The following HSP90B1 variants were observed in gnomAD, a reference collection of about 807,000 sequenced individuals.
The protein encoded by HSP90B1 is heat shock protein 90 beta family member 1, also known as endoplasmin.
Under a neutral mutation model 100.4 loss-of-function variants are expected in HSP90B1, and 27 were observed. That is an observed-to-expected ratio of 0.27 (90% CI 0.20 to 0.37). The LOEUF is 0.37. Ranked by LOEUF, HSP90B1 falls within the 10% of genes least tolerant of loss-of-function variation. The probability of loss-of-function intolerance (pLI) is 1.00; values close to 1 mark genes in which losing one functional copy is unlikely to be tolerated. For synonymous variants in HSP90B1, 304 were observed against 330.8 expected (o/e 0.92, Z 0.88); for missense variants, 678 against 960.5 (o/e 0.71, Z 3.89).
Position 103,930,625 on chromosome 12 carries a change from C to G in HSP90B1, c.49+61C>G. The G allele has an allele frequency of 6.5e-7, 1 of 1,529,682 alleles. No homozygotes were observed. The highest frequency in any genetic ancestry group is 1.4e-5 in the African/African-American group (1 of 73,084). The allele number at this position is 1,529,682 out of a possible 1,614,324, so 94.8% of individuals were successfully genotyped here. ...ACACACGCGGCCGCTTCTCGAAGGT[C>G]CTGGGGGCGTTGAACGTGGGAGGGG... On this transcript the variant is annotated intron_variant, in intron 1 of 17. Transcript: ENST00000299767. This position sits in a 1 kb window ranked among gnomAD's most constrained non-coding sequence, Gnocchi z 4.4.
chr12:103,932,520 G>A, intron 3 of HSP90B1, 102 bp downstream of exon 3: 2 of 1,016,732 alleles, frequency 2.0e-6, no homozygotes, highest in Admixed American at 2.5e-5. Context: ...ATCCAAGTAA[G>A]TAGGTAACAA....
At chr12:103,933,084 T>C (rs117886928) in intron 4 of HSP90B1, 142 bp downstream of exon 4, 59,374 of 595,170 alleles carry the variant, frequency 0.1, 3,739 homozygotes, top group Admixed American at 0.13. Flanking sequence ...CATCAAACTA[T>C]GGCCAAATCT....
intron 5 of HSP90B1, among the ~76,000 whole-genome samples, chr12:103,935,209 A>G (rs778232244): frequency 1.3e-5 from 2 of 152,208 alleles, no homozygotes; most frequent in African/African-American, 2.4e-5. Flanking sequence ...TCATTTAAGG[A>G]TAGTTACAAG....
rs767056897 is a variant in HSP90B1, at chr12:103,947,314, G to C, written c.2266G>C (p.Glu756Gln). 6.3e-7 allele frequency: 1 copy of C among 1,595,254 alleles called. No individual in the cohort carries two copies. Among genetic ancestry groups the C allele is most frequent in the East Asian group, 2.2e-5 (1 of 44,686 alleles). ...GGCCCATAAATGTTGTGTTTAGGTG[G>C]AAGAAGAGCCCGAAGAAGAACCTGA... ...SLNIDPDAKV[E>Q]EEPEEEPEET... The change falls in exon 17 of 18, where the codon GAA becomes CAA. Residue 756 changes from glutamate to glutamine, a missense_variant. Transcript: ENST00000299767.
intron 14 of HSP90B1, among the ~76,000 whole-genome samples, chr12:103,944,648 C>T (rs1484989659): frequency 1.3e-5 from 2 of 152,018 alleles, no homozygotes; most frequent in Non-Finnish European, 1.5e-5. Context: ...CCTCCGCCTC[C>T]TGGGTTCAAG....
chr12:103,930,445 C>G lies in HSP90B1; in HGVS notation c.-71C>G, dbSNP rs781727525. On this transcript the variant is annotated 5_prime_UTR_variant, in exon 1 of 18. Coordinates refer to ENST00000299767, the MANE Select transcript of HSP90B1 (RefSeq NM_003299.3). This position sits in a 1 kb window ranked among gnomAD's most constrained non-coding sequence, Gnocchi z 4.4. ...CCGCGCGGCTGGAGGTGTGAGGATC[C>G]GAACCCAGGGGTGGGGGGTGGAGGC... The G allele has an allele frequency of 4.1e-6, 6 of 1,472,746 alleles. No individual in the cohort carries two copies. The highest frequency in any genetic ancestry group is 5.5e-6 in the Non-Finnish European group (6 of 1,089,034). 91.2% of individuals were successfully genotyped at this position (1,472,746 alleles called of 1,614,324 possible).
intron 8 of HSP90B1, 61 bp downstream of exon 8, chr12:103,939,686 T>C: frequency 1.3e-6 from 1 of 766,346 alleles, no homozygotes; most frequent in South Asian, 1.9e-5. Context: ...ATCACCCTCT[T>C]AGTTTAATTG....
chr12:103,930,490 G>C lies in HSP90B1; in HGVS notation c.-26G>C, dbSNP rs753157411. The C allele has an allele frequency of 3.1e-6, 5 of 1,599,096 alleles. No individual in the cohort carries two copies. Among genetic ancestry groups the C allele is most frequent in the Non-Finnish European group, 3.4e-6 (4 of 1,172,828 alleles). Reference sequence around the variant, plus strand: ...GGAGGCGGCTCCTGCGATCGAAGGGGACTTGAGACTCACCGGCCGCACGCC... The same window carrying C: ...GGAGGCGGCTCCTGCGATCGAAGGGCACTTGAGACTCACCGGCCGCACGCC... On this transcript the variant is annotated 5_prime_UTR_variant, in exon 1 of 18. Coordinates refer to ENST00000299767, the MANE Select transcript of HSP90B1 (RefSeq NM_003299.3). The surrounding 1 kb of genome is among the most constrained non-coding windows in gnomAD (Gnocchi z 4.4).
intron 5 of HSP90B1, among the ~76,000 whole-genome samples, chr12:103,937,422 A>T (rs1296308491): frequency 6.6e-6 from 1 of 152,254 alleles, no homozygotes; most frequent in African/African-American, 2.4e-5. Context: ...AAATGAAAAC[A>T]ATCTATTCAG....
In HSP90B1 at chr12:103,946,624, T is replaced by C; in HGVS notation, c.2034T>C (p.Tyr678=). 6.2e-7 allele frequency: 1 copy of C among 1,612,160 alleles called. No individual in the cohort carries two copies. The highest frequency in any genetic ancestry group is 8.5e-7 in the Non-Finnish European group (1 of 1,178,230). The part of the protein sequence containing the change: ...QTGKDISTNY[Y]ASQKKTFEIN... The stretch of plus-strand genomic sequence containing the variant: ...CATTTTTATCTCTTAACAGTTACTA[T>C]GCGAGTCAGAAGAAAACATTTGAAA... The change falls in exon 15 of 18, where the codon TAT becomes TAC. Residue 678 remains tyrosine (Y), a synonymous_variant. Coordinates refer to ENST00000299767, the MANE Select transcript of HSP90B1 (RefSeq NM_003299.3).
At chr12:103,945,187 G>T (rs1232049189) in intron 14 of HSP90B1, among the ~76,000 whole-genome samples, 1 of 152,166 alleles carries the variant, frequency 6.6e-6, no homozygotes, top group Non-Finnish European at 1.5e-5. Flanking sequence ...ACTCACTCCT[G>T]TTGTCACTCA....
rs535057154 is a variant in HSP90B1 at position 103,947,369 on chromosome 12, C to T, written c.2321C>T (p.Thr774Ile). 6.2e-7 allele frequency: 1 copy of T among 1,608,142 alleles called. No homozygotes were observed. The highest frequency in any genetic ancestry group is 1.1e-5 in the South Asian group (1 of 90,910). Residue 774 changes from threonine (T) to isoleucine (I), a missense_variant, in exon 17 of 18, where the codon ACA becomes ATA. Coordinates refer to ENST00000299767, the MANE Select transcript of HSP90B1 (RefSeq NM_003299.3). ...ACAGCAGAAGACACAACAGAAGACA[C>T]AGAGCAAGACGAAGATGAAGAAATG... is the stretch of plus-strand genomic sequence containing the variant. ...EETAEDTTED[T>I]EQDEDEEMDV...
chr12:103,939,726 G>A lies in HSP90B1; in HGVS notation c.1092+101G>A. ...TGGTATGTGACCATGAATATGAGAT[G>A]GTCCATTCCCATTTTTTCCCAGTGA... is the stretch of plus-strand genomic sequence containing the variant. On this transcript the variant is annotated intron_variant, in intron 8 of 17. Transcript: ENST00000299767. The A allele has an allele frequency of 1.5e-5, 8 of 549,766 alleles. No individual in the cohort carries two copies. The South Asian group carries it at 2.0e-4, about 14-fold the overall frequency. 34.1% of individuals were successfully genotyped at this position (549,766 alleles called of 1,614,324 possible). A position where few individuals can be genotyped will look rare whatever the true frequency, so the allele number is the denominator to read the frequency against.
intron 5 of HSP90B1, 85 bp from the exon 6 acceptor site, chr12:103,937,610 C>T: frequency 1.4e-6 from 1 of 713,716 alleles, no homozygotes; most frequent in Non-Finnish European, 2.5e-6. Context: ...TACTGAACTG[C>T]TGGCTATTAC....
At chr12:103,939,166 C>T (rs889133821) in intron 7 of HSP90B1, among the ~76,000 whole-genome samples, 24 of 151,352 alleles carry the variant, frequency 1.6e-4, no homozygotes, top group African/African-American at 5.6e-4. Context: ...GTAGCACGAT[C>T]ATAGCTCCCT....
At position 103,946,666 on chromosome 12, in the gene HSP90B1, G is replaced by A. The variant is rs771669006; in HGVS notation, c.2076G>A (p.Pro692=). The A allele has an allele frequency of 4.1e-5, 66 of 1,613,980 alleles. No individual in the cohort carries two copies. Among genetic ancestry groups the A allele is most frequent in the East Asian group, 2.0e-4 (9 of 44,880 alleles). Residue 692 remains proline (P), a synonymous_variant, in exon 15 of 18, where the codon CCG becomes CCA. Coordinates refer to ENST00000299767, the MANE Select transcript of HSP90B1 (RefSeq NM_003299.3). ...CATTTGAAATTAATCCCAGACACCC[G>A]CTGATCAGAGACATGCTTCGACGAA... ...KKTFEINPRH[P]LIRDMLRRIK... is the part of the protein sequence containing the mutation.
chr12:103,932,744 A>T, intron 3 of HSP90B1, 82 bp from the exon 4 acceptor site: 1 of 791,420 alleles, frequency 1.3e-6, no homozygotes, highest in Non-Finnish European at 2.2e-6. Context: ...ACAGAGAAGA[A>T]ATAAATGGGT....
chr12:103,938,572 G>C (rs1869987451), intron 7 of HSP90B1, 113 bp downstream of exon 7: 1 of 1,171,052 alleles, frequency 8.5e-7, no homozygotes, highest in Non-Finnish European at 1.2e-6. Flanking sequence ...CAGGTGCTAA[G>C]TCCATGGAGC....
chr12:103,937,987 C>T (rs1435832707), intron 6 of HSP90B1, among the ~76,000 whole-genome samples, 181 bp downstream of exon 6: 4 of 151,980 alleles, frequency 2.6e-5, no homozygotes, highest in South Asian at 4.2e-4. Context: ...GCCAACATGG[C>T]GAAACCCTGT....
Sources: allele counts gnomAD v4.1 joint callset (sites outside exome capture counted in the v4.1 genomes callset), GRCh38; gene constraint gnomAD v4.1.1; non-coding constraint Gnocchi (gnomAD v3.1); transcripts MANE v1.5; gene names NCBI Gene and HGNC (gene_info 2026-07-23, HGNC 2026-07-21).